CCDC192: variants seen among roughly 807,000 people sequenced by gnomAD.
CCDC192 encodes the protein coiled-coil domain-containing protein 192.
intron 2 of CCDC192, among the ~76,000 whole-genome samples, chr5:127,744,861 C>A (rs1170693708): frequency 6.6e-6 from 1 of 152,206 alleles, no homozygotes; most frequent in East Asian, 1.9e-4. Context: ...TCATTCAATT[C>A]TTAAAACAAC....
chr5:127,881,230 C>G (rs1752341081), intron 6 of CCDC192, among the ~76,000 whole-genome samples: 1 of 152,080 alleles, frequency 6.6e-6, no homozygotes, highest in Admixed American at 6.5e-5. Flanking sequence ...ACATGGTCAC[C>G]TACTCTGAAG....
intron 2 of CCDC192, among the ~76,000 whole-genome samples, chr5:127,727,115 A>G (rs1436915445): frequency 1.3e-5 from 2 of 152,156 alleles, no homozygotes; most frequent in Non-Finnish European, 2.9e-5. Flanking sequence ...ACCCTGACAA[A>G]TAGGGTCTGG....
chr5:127,914,246 G>T (rs1283061776), intron 6 of CCDC192, among the ~76,000 whole-genome samples: 1 of 152,148 alleles, frequency 6.6e-6, no homozygotes, highest in East Asian at 1.9e-4. Context: ...ATCTTGCCTT[G>T]CAGAGCTACA....
chr5:127,736,537 C>T (rs555355541), intron 2 of CCDC192, among the ~76,000 whole-genome samples: 156 of 151,658 alleles, frequency 1.0e-3, no homozygotes, highest in Middle Eastern at 3.4e-3. Context: ...TGGTAGAATT[C>T]GGCTGTGAAT....
At chr5:127,781,576 CTTTT>C (rs1223496970) in intron 3 of CCDC192, among the ~76,000 whole-genome samples, 1 of 124,166 alleles carries the variant, frequency 8.1e-6, no homozygotes, top group Non-Finnish European at 1.8e-5. Context: ...CTAAGTATTC[CTTTT>C]TTTTTTTTTT....
At chr5:127,722,627 A>C (rs1404115737) in intron 2 of CCDC192, among the ~76,000 whole-genome samples, 1 of 152,014 alleles carries the variant, frequency 6.6e-6, no homozygotes, top group Non-Finnish European at 1.5e-5. Context: ...TTTTGATTTG[A>C]TTTTTGTGTA....
intron 3 of CCDC192, among the ~76,000 whole-genome samples, chr5:127,782,078 T>C (rs1247175983): frequency 2.6e-5 from 4 of 152,240 alleles, no homozygotes; most frequent in Non-Finnish European, 4.4e-5. Flanking sequence ...TTTATTGAGA[T>C]AATCATGTGA....
chr5:127,907,170 A>T (rs552013789), intron 6 of CCDC192, among the ~76,000 whole-genome samples: 2 of 152,320 alleles, frequency 1.3e-5, no homozygotes, highest in South Asian at 4.1e-4. Context: ...AAAAGTTACA[A>T]GGAGTCATAT....
intron 6 of CCDC192, among the ~76,000 whole-genome samples, chr5:127,925,944 A>G (rs987851747): frequency 6.6e-6 from 1 of 152,240 alleles, no homozygotes; most frequent in Non-Finnish European, 1.5e-5. Flanking sequence ...TAATTGAGCA[A>G]TGAATGATTA....
chr5:127,705,228 C>T (rs1358528238), intron 1 of CCDC192, among the ~76,000 whole-genome samples: 1 of 152,136 alleles, frequency 6.6e-6, no homozygotes, highest in East Asian at 1.9e-4. Context: ...CCTGTGTATG[C>T]TGGGTTACCA....
At chr5:127,706,766 A>C (rs1396748740) in intron 1 of CCDC192, among the ~76,000 whole-genome samples, 3 of 152,188 alleles carry the variant, frequency 2.0e-5, no homozygotes, top group Non-Finnish European at 4.4e-5. Flanking sequence ...TCAATAAGCA[A>C]ACTATATAGT....
intron 3 of CCDC192, among the ~76,000 whole-genome samples, chr5:127,761,898 C>T (rs369943321): frequency 4.6e-5 from 7 of 152,194 alleles, no homozygotes; most frequent in African/African-American, 1.7e-4. Context: ...AACAAAACTC[C>T]CATTATTTCT....
chr5:127,843,441 C>CTT lies in CCDC192; in HGVS notation c.412-32084_412-32083dup, dbSNP rs35146997. 1.6e-3 allele frequency among the ~76,000 whole-genome samples: 208 copies of CTT among 129,328 alleles called. 2 individuals carry two copies. The highest frequency in any genetic ancestry group is 5.5e-3 in the African/African-American group (196 of 35,728). 84.8% of individuals were successfully genotyped at this position (129,328 alleles called of 152,430 possible). On this transcript the variant is annotated intron_variant, in intron 5 of 6. Transcript: ENST00000514853. ...ACACAGTAATTATCCAAGAATAACT[C>CTT]TTTTTTTTTTTTTTGAGACGGAATC...
At chr5:127,915,725 AT>A (rs34033284) in intron 6 of CCDC192, among the ~76,000 whole-genome samples, 11,367 of 147,136 alleles carry the variant, frequency 0.077, 929 homozygotes, top group East Asian at 0.32. Flanking sequence ...TTCTTTTGCA[AT>A]TTTTTTTTTT....
intron 6 of CCDC192, among the ~76,000 whole-genome samples, chr5:127,907,949 A>T (rs1429724022): frequency 2.0e-5 from 3 of 152,244 alleles, no homozygotes; most frequent in African/African-American, 7.2e-5. Context: ...TTTAAGTCAT[A>T]ATCAGGTTGT....
intron 6 of CCDC192, among the ~76,000 whole-genome samples, chr5:127,888,214 G>A (rs1186146022): frequency 1.3e-5 from 2 of 151,574 alleles, no homozygotes; most frequent in South Asian, 2.1e-4. Context: ...TCAGGGGTTC[G>A]AAACCAGCCT....
intron 6 of CCDC192, among the ~76,000 whole-genome samples, chr5:127,926,978 C>A (rs1753879627): frequency 6.6e-6 from 1 of 152,104 alleles, no homozygotes; most frequent in Non-Finnish European, 1.5e-5. Context: ...GGAAGACTGT[C>A]AACAGGGCAA....
chr5:127,786,784 A>C (rs745883548), intron 3 of CCDC192: 1 of 624,326 alleles, frequency 1.6e-6, no homozygotes, highest in African/African-American at 1.8e-5. Flanking sequence ...AGTTGTTTGT[A>C]TAATTCCAGG....
intron 6 of CCDC192, among the ~76,000 whole-genome samples, chr5:127,921,132 C>A (rs1156681707): frequency 3.4e-5 from 4 of 118,578 alleles, no homozygotes; most frequent in South Asian, 2.7e-4. Flanking sequence ...GAGGAAAGGA[C>A]AGGAGAAAGG....
Sources: allele counts gnomAD v4.1 joint callset (sites outside exome capture counted in the v4.1 genomes callset), GRCh38; gene constraint gnomAD v4.1.1; transcripts MANE v1.5; gene names NCBI Gene and HGNC (gene_info 2026-07-23, HGNC 2026-07-21).